Variants in LHPP observed in about 807,000 individuals in gnomAD.
The protein encoded by LHPP is hLHPP.
Under a neutral mutation model 30.3 loss-of-function variants are expected in LHPP, and 24 were observed. The observed-to-expected ratio is 0.79, with a 90% confidence interval of 0.57 to 1.11. The LOEUF (loss-of-function observed/expected upper bound fraction) is 1.11, where lower values mean the gene tolerates loss of function less well. LHPP is among the 50% of genes most tolerant of loss of function. The pLI, the probability that LHPP is intolerant of heterozygous loss-of-function variation, is 0.00. For synonymous variants in LHPP, 150 were observed against 157.1 expected (o/e 0.95, Z 0.34); for missense variants, 356 against 367.2 (o/e 0.97, Z 0.25).
At chr10:124,575,935 C>T (rs1343582087) in intron 6 of LHPP, among the ~76,000 whole-genome samples, 1 of 152,156 alleles carries the variant, frequency 6.6e-6, no homozygotes, top group Non-Finnish European at 1.5e-5. Flanking sequence ...ACCTGGGTGC[C>T]AGGTCGGGGG....
chr10:124,501,628 T>C (rs977487412), intron 5 of LHPP, among the ~76,000 whole-genome samples: 1 of 137,194 alleles, frequency 7.3e-6, no homozygotes, highest in Non-Finnish European at 1.6e-5. Flanking sequence ...AAAAGAAAAA[T>C]ATTCTGGAAC....
chr10:124,581,097 A>C (rs535600283), intron 6 of LHPP, among the ~76,000 whole-genome samples: 1 of 152,278 alleles, frequency 6.6e-6, no homozygotes, highest in South Asian at 2.1e-4. Context: ...GCAAATACTC[A>C]TCTGCTTTCT....
chr10:124,472,575 T>C (rs1952816551), intron 1 of LHPP, among the ~76,000 whole-genome samples: 1 of 152,040 alleles, frequency 6.6e-6, no homozygotes, highest in Admixed American at 6.5e-5. Context: ...TTTTTTTTTT[T>C]TGAGACGCAG....
intron 6 of LHPP, among the ~76,000 whole-genome samples, chr10:124,553,729 G>A (rs1158648383): frequency 1.3e-5 from 2 of 152,212 alleles, no homozygotes; most frequent in African/African-American, 4.8e-5. Flanking sequence ...AAAGTGCCGG[G>A]ATTACAGGCG....
intron 6 of LHPP, among the ~76,000 whole-genome samples, chr10:124,579,534 T>C (rs1290568755): frequency 6.6e-6 from 1 of 152,206 alleles, no homozygotes; most frequent in African/African-American, 2.4e-5. Context: ...GTTTCCAGTT[T>C]TTTTCATGAT....
chr10:124,573,460 C>T (rs752173550), intron 6 of LHPP, among the ~76,000 whole-genome samples: 9 of 152,296 alleles, frequency 5.9e-5, no homozygotes, highest in South Asian at 2.1e-4. Flanking sequence ...TACAGGTGCA[C>T]GCCCCCACAC....
At chr10:124,520,549 G>A (rs933239531) in intron 6 of LHPP, among the ~76,000 whole-genome samples, 1 of 152,372 alleles carries the variant, frequency 6.6e-6, no homozygotes, top group Non-Finnish European at 1.5e-5. Context: ...TTCCTAACGA[G>A]ATTTAAAATG....
chr10:124,610,686 C>A (rs1415639879), intron 6 of LHPP, among the ~76,000 whole-genome samples: 10 of 62,576 alleles, frequency 1.6e-4, no homozygotes, highest in African/African-American at 7.7e-4. Context: ...GGAGCGGGTG[C>A]GGGTGCGGGT....
chr10:124,477,409 T>TA (rs1297792574), intron 1 of LHPP, among the ~76,000 whole-genome samples: 3 of 152,190 alleles, frequency 2.0e-5, no homozygotes, highest in African/African-American at 4.8e-5. Context: ...AGGTGATGTC[T>TA]GCAATGTGGC....
At chr10:124,580,649 ATAAT>A (rs1220802883) in intron 6 of LHPP, among the ~76,000 whole-genome samples, 1 of 152,182 alleles carries the variant, frequency 6.6e-6, no homozygotes, top group Non-Finnish European at 1.5e-5. Context: ...TCTAAAGTGA[ATAAT>A]TAATGTTTTT....
chr10:124,515,477 C>G (rs1954427532), intron 5 of LHPP, among the ~76,000 whole-genome samples: 1 of 152,194 alleles, frequency 6.6e-6, no homozygotes, highest in Admixed American at 6.5e-5. Flanking sequence ...ATAAACTCAT[C>G]TTTCTCCTCC....
At position 124,514,951 on chromosome 10, in the gene LHPP, G is replaced by A. The variant is rs150277319; in HGVS notation, c.625-2229G>A. On this transcript the variant is annotated intron_variant, in intron 5 of 6. Transcript: ENST00000368842. ...CAAGTAGCTGGGACTACAGGCGTGC[G>A]CCACCACATCTGGCTAATTTTTTAA... is the stretch of plus-strand genomic sequence containing the variant. Among the ~76,000 whole-genome samples the A allele has an allele frequency of 3.6e-4, 54 of 152,102 alleles. No individual in the cohort carries two copies. The East Asian group carries it at 7.7e-3, about 22-fold the overall frequency.
rs1589704611 is a variant in LHPP at position 124,596,021 on chromosome 10, G to A, written c.717-17243G>A. Among the ~76,000 whole-genome samples, 1 of 152,230 alleles carries A rather than the reference G, an allele frequency of 6.6e-6. No homozygotes were observed. The highest frequency in any genetic ancestry group is 1.9e-4 in the East Asian group (1 of 5,166). On this transcript the variant is annotated intron_variant, in intron 6 of 6. Transcript: ENST00000368842. The surrounding 1 kb of genome is among the most constrained non-coding windows in gnomAD (Gnocchi z 4.6). ...TCTTCTGCCTGACGGTAAACTTGAG[G>A]TGAATGGGCTCCTACCCATGAACAC...
intron 6 of LHPP, among the ~76,000 whole-genome samples, chr10:124,532,908 G>A (rs1376634334): frequency 6.6e-6 from 1 of 152,164 alleles, no homozygotes; most frequent in East Asian, 1.9e-4. Context: ...TGCTCGACTG[G>A]GCTGGGACTT....
At chr10:124,483,642 A>G (rs755682398) in intron 1 of LHPP, among the ~76,000 whole-genome samples, 20 of 152,198 alleles carry the variant, frequency 1.3e-4, no homozygotes, top group Non-Finnish European at 2.4e-4. Flanking sequence ...CTGTAATCCC[A>G]GCTGCTCTGG....
intron 6 of LHPP, among the ~76,000 whole-genome samples, chr10:124,588,368 T>C (rs1948832095): frequency 6.6e-6 from 1 of 151,830 alleles, no homozygotes; most frequent in South Asian, 2.1e-4. Context: ...CTTGGCTCAC[T>C]GCATTCTCCA....
intron 6 of LHPP, among the ~76,000 whole-genome samples, chr10:124,572,996 C>T (rs993403230): frequency 2.6e-5 from 4 of 152,336 alleles, no homozygotes; most frequent in African/African-American, 9.6e-5. Context: ...ATGGAGTTGC[C>T]TCGCGTTCAA....
intron 5 of LHPP, 166 bp downstream of exon 5, chr10:124,498,294 A>G: frequency 6.3e-7 from 1 of 1,577,596 alleles, no homozygotes; most frequent in Non-Finnish European, 8.6e-7. Flanking sequence ...GGAAGACAGC[A>G]AACGAAATCC....
At chr10:124,604,077 C>G (rs1349799920) in intron 6 of LHPP, among the ~76,000 whole-genome samples, 1 of 152,210 alleles carries the variant, frequency 6.6e-6, no homozygotes, top group African/African-American at 2.4e-5. Flanking sequence ...GCTGGATGCA[C>G]AGGCTCCATG....
Sources: gnomAD v4.1 joint callset for allele counts (sites outside exome capture counted in the v4.1 genomes callset) on GRCh38, gnomAD v4.1.1 for gene constraint, Gnocchi (gnomAD v3.1) non-coding constraint, MANE v1.5 for transcripts, NCBI Gene and HGNC (gene_info 2026-07-23, HGNC 2026-07-21) for gene names.